Variants in MAPRE2 observed in about 807,000 individuals in gnomAD.
MAPRE2 encodes the protein microtubule-associated protein RP/EB family member 2.
Under a neutral mutation model 43.2 loss-of-function variants are expected in MAPRE2, and 13 were observed. That is an observed-to-expected ratio of 0.30 (90% confidence interval 0.20 to 0.48). The LOEUF (loss-of-function observed/expected upper bound fraction) is 0.48, where lower values mean the gene tolerates loss of function less well. Among genes scored for constraint, MAPRE2 ranks in the 20% least tolerant of loss-of-function variants. The pLI, the probability that MAPRE2 is intolerant of heterozygous loss-of-function variation, is 0.99. For missense variants in MAPRE2, 161 were observed against 400.2 expected (o/e 0.40, Z 5.10); for synonymous variants, 135 against 148.8 (o/e 0.91, Z 0.68).
At chr18:35,126,763 A>G (rs1344953820) in intron 4 of MAPRE2, among the ~76,000 whole-genome samples, 185 bp from the exon 5 acceptor site, 1 of 152,170 alleles carries the variant, frequency 6.6e-6, no homozygotes, top group African/African-American at 2.4e-5. Context: ...AAGTTGCCCA[A>G]AACAACCGTA....
intron 2 of MAPRE2, among the ~76,000 whole-genome samples, chr18:35,019,577 C>T (rs273352): frequency 0.68 from 102,524 of 151,826 alleles, 35,919 homozygotes; most frequent in East Asian, 0.98. Context: ...TTTTCTTCTT[C>T]TTTACTTTAT....
upstream of MAPRE2, chr18:35,041,288 G>C (rs1003786665): frequency 7.2e-7 from 1 of 1,385,848 alleles, no homozygotes; most frequent in Non-Finnish European, 9.4e-7. Flanking sequence ...ATTGAGGCGA[G>C]GTGATGAGTT....
intron 1 of MAPRE2, among the ~76,000 whole-genome samples, chr18:35,051,558 T>C (rs1407448435): frequency 6.6e-6 from 1 of 152,214 alleles, no homozygotes; most frequent in Admixed American, 6.5e-5. Flanking sequence ...ATTTGGTCTG[T>C]ACCGAAAAGG....
chr18:35,076,469 A>C (rs530114672), intron 2 of MAPRE2, among the ~76,000 whole-genome samples: 2 of 152,262 alleles, frequency 1.3e-5, no homozygotes, highest in South Asian at 4.1e-4. Flanking sequence ...TCGTTTGGGA[A>C]ACACCTCAGA....
At chr18:35,054,533 TGGGACTGAGTGGACCACAGCCACTC>T (rs1472223458) in intron 1 of MAPRE2, among the ~76,000 whole-genome samples, 1 of 152,200 alleles carries the variant, frequency 6.6e-6, no homozygotes, top group East Asian at 1.9e-4. Context: ...CTGTTCTGGT[TGGGACTGAGTGGACCACAGCCACTC>T]AAGGATCCCT....
chr18:35,053,012 A>T (rs4145317), intron 1 of MAPRE2, among the ~76,000 whole-genome samples: 1 of 48,186 alleles, frequency 2.1e-5, no homozygotes, highest in South Asian at 9.9e-4. Flanking sequence ...TCCCCCCCAC[A>T]CACACACACA....
At chr18:35,110,622 T>A (rs980125783) in intron 4 of MAPRE2, among the ~76,000 whole-genome samples, 1 of 152,192 alleles carries the variant, frequency 6.6e-6, no homozygotes, top group Admixed American at 6.5e-5. Flanking sequence ...TTTCTTATCC[T>A]GCAGGTCCAG....
At chr18:35,115,017 A>G (rs2144210697) in intron 4 of MAPRE2, among the ~76,000 whole-genome samples, 1 of 152,248 alleles carries the variant, frequency 6.6e-6, no homozygotes, top group African/African-American at 2.4e-5. Flanking sequence ...TATTATTGAT[A>G]CTTTTTTTTG....
At chr18:35,121,831 G>A (rs1376603974) in intron 4 of MAPRE2, among the ~76,000 whole-genome samples, 1 of 152,230 alleles carries the variant, frequency 6.6e-6, no homozygotes, top group South Asian at 2.1e-4. Context: ...ACCAGGATTG[G>A]ATGCTGTCAG....
At chr18:35,061,943 G>C (rs1332786441) in intron 1 of MAPRE2, among the ~76,000 whole-genome samples, 1 of 152,158 alleles carries the variant, frequency 6.6e-6, no homozygotes, top group Non-Finnish European at 1.5e-5. Context: ...CCTGCCTCTC[G>C]AGGTATTGAA....
intron 1 of MAPRE2, among the ~76,000 whole-genome samples, chr18:35,047,907 G>A (rs1265041801): frequency 6.6e-6 from 1 of 152,100 alleles, no homozygotes; most frequent in Non-Finnish European, 1.5e-5. Flanking sequence ...TGCTTATCTA[G>A]TTAAGAAAAT....
chr18:35,067,573 T>C (rs1440034015), intron 1 of MAPRE2, among the ~76,000 whole-genome samples: 3 of 152,216 alleles, frequency 2.0e-5, no homozygotes, highest in Admixed American at 2.0e-4. Flanking sequence ...TTTAGATTTT[T>C]TTTAAATCAT....
At chr18:34,992,831 A>G (rs1194696182) in intron 1 of MAPRE2, among the ~76,000 whole-genome samples, 1 of 152,204 alleles carries the variant, frequency 6.6e-6, no homozygotes, top group Non-Finnish European at 1.5e-5. Flanking sequence ...CAGATCAGAC[A>G]CATTTTAAAA....
At chr18:35,014,501 G>C (rs273364) in intron 2 of MAPRE2, among the ~76,000 whole-genome samples, 93,622 of 151,616 alleles carry the variant, frequency 0.62, 29,159 homozygotes, top group East Asian at 0.71. Context: ...AATTGATCAT[G>C]AGGGTGACAC....
At chr18:35,110,258 G>A (rs900513342) in intron 4 of MAPRE2, among the ~76,000 whole-genome samples, 3 of 152,102 alleles carry the variant, frequency 2.0e-5, no homozygotes, top group African/African-American at 4.8e-5. Context: ...TGTGCTGTGT[G>A]TATAAAATGC....
chr18:35,063,303 T>C (rs1305982524), intron 1 of MAPRE2, among the ~76,000 whole-genome samples: 1 of 151,946 alleles, frequency 6.6e-6, no homozygotes, highest in Non-Finnish European at 1.5e-5. Flanking sequence ...GAGATGGGGT[T>C]TCACCGTGTT....
intron 1 of MAPRE2, among the ~76,000 whole-genome samples, chr18:35,046,775 A>G (rs574955169): frequency 6.6e-6 from 1 of 152,206 alleles, no homozygotes; most frequent in African/African-American, 2.4e-5. Context: ...GACTAGGTAG[A>G]TGTTCTCTGG....
intron 5 of MAPRE2, among the ~76,000 whole-genome samples, chr18:35,130,164 A>C (rs759991951): frequency 1.3e-5 from 2 of 151,884 alleles, no homozygotes; most frequent in African/African-American, 2.4e-5. Context: ...GGGGGGTGGC[A>C]CATCTAAGCT....
intron 2 of MAPRE2, among the ~76,000 whole-genome samples, chr18:35,030,366 C>T (rs190922144): frequency 6.6e-6 from 1 of 152,208 alleles, no homozygotes; most frequent in Non-Finnish European, 1.5e-5. Context: ...CCACTCCCCA[C>T]CCTGGATTCT....
Sources: gnomAD v4.1 joint callset for allele counts (sites outside exome capture counted in the v4.1 genomes callset) on GRCh38, gnomAD v4.1.1 for gene constraint, MANE v1.5 for transcripts, NCBI Gene and HGNC (gene_info 2026-07-23, HGNC 2026-07-21) for gene names.